The following RARB variants were observed in gnomAD, a reference collection of about 807,000 sequenced individuals.
The protein encoded by RARB is HBV-activated protein.
Under a neutral mutation model 51.9 loss-of-function variants are expected in RARB, and 17 were observed. The observed-to-expected ratio is 0.33, with a 90% confidence interval of 0.22 to 0.49. RARB has a LOEUF of 0.49. Ranked by LOEUF, RARB falls within the 20% of genes least tolerant of loss-of-function variation. RARB has a pLI of 0.99. For missense variants in RARB, 369 were observed against 550.8 expected, an observed-to-expected ratio of 0.67 and a Z score of 3.30; for synonymous variants, 215 against 195.4, an observed-to-expected ratio of 1.10 and a Z score of -0.84.
At chr3:25,373,135 A>G (rs1234486342) in intron 5 of RARB, among the ~76,000 whole-genome samples, 1 of 152,218 alleles carries the variant, frequency 6.6e-6, no homozygotes, top group Non-Finnish European at 1.5e-5. Context: ...GAAAACAGTC[A>G]AGCAGGCTGT....
intron 3 of RARB, among the ~76,000 whole-genome samples, chr3:25,508,278 T>G (rs1204591885): frequency 6.6e-6 from 1 of 152,218 alleles, no homozygotes; most frequent in African/African-American, 2.4e-5. Flanking sequence ...ATTTATACTT[T>G]AGACATGAAC....
intron 3 of RARB, among the ~76,000 whole-genome samples, chr3:25,548,875 G>A (rs1699730205): frequency 1.3e-5 from 2 of 152,000 alleles, no homozygotes; most frequent in African/African-American, 4.8e-5. Context: ...CATTATAGAT[G>A]TTTTAGGGTG....
At chr3:24,857,828 A>C (rs965226928) in intron 1 of RARB, among the ~76,000 whole-genome samples, 81 of 152,324 alleles carry the variant, frequency 5.3e-4, no homozygotes, top group African/African-American at 1.8e-3. Context: ...TGGGAGGCTG[A>C]GATGGAAGGA....
At chr3:25,342,951 G>C (rs1705274826) in intron 5 of RARB, among the ~76,000 whole-genome samples, 1 of 151,600 alleles carries the variant, frequency 6.6e-6, no homozygotes, top group Non-Finnish European at 1.5e-5. Flanking sequence ...AGAGCTCATG[G>C]TTTAAGAGGG....
chr3:25,575,303 A>G (rs1700882436), intron 4 of RARB, among the ~76,000 whole-genome samples: 1 of 152,188 alleles, frequency 6.6e-6, no homozygotes, highest in African/African-American at 2.4e-5. Context: ...GACACCGACC[A>G]GTACCCATCC....
chr3:25,133,946 G>A (rs1395132272), intron 4 of RARB, among the ~76,000 whole-genome samples: 1 of 147,300 alleles, frequency 6.8e-6, no homozygotes, highest in African/African-American at 2.5e-5. Context: ...AGATTTCCTG[G>A]AGAGTACTGT....
chr3:25,000,524 C>T (rs1218537132), intron 2 of RARB, among the ~76,000 whole-genome samples: 1 of 152,096 alleles, frequency 6.6e-6, no homozygotes, highest in Non-Finnish European at 1.5e-5. Context: ...ACCTGCGAGG[C>T]TGATTTTTAA....
chr3:25,001,463 G>T (rs1157396425), intron 2 of RARB, among the ~76,000 whole-genome samples: 1 of 152,042 alleles, frequency 6.6e-6, no homozygotes, highest in Non-Finnish European at 1.5e-5. Context: ...CTTCTCAATT[G>T]TCTTCTCTCC....
intron 5 of RARB, among the ~76,000 whole-genome samples, chr3:25,210,519 T>G (rs529016684): frequency 8.8e-5 from 13 of 147,694 alleles, no homozygotes; most frequent in Non-Finnish European, 1.6e-4. Context: ...CCTGAAATCT[T>G]TATCTGATTC....
chr3:25,119,872 G>A (rs1031270808), intron 3 of RARB, among the ~76,000 whole-genome samples: 2 of 152,128 alleles, frequency 1.3e-5, no homozygotes, highest in Non-Finnish European at 2.9e-5. Flanking sequence ...TAAAAAATCT[G>A]ATTAGTAGAT....
chr3:25,061,269 T>C (rs1244489721), intron 3 of RARB, among the ~76,000 whole-genome samples: 1 of 151,902 alleles, frequency 6.6e-6, no homozygotes, highest in East Asian at 1.9e-4. Context: ...AAGATAAATA[T>C]GTACATACAA....
At chr3:24,928,788 A>T (rs1371910885) in intron 2 of RARB, among the ~76,000 whole-genome samples, 1 of 151,950 alleles carries the variant, frequency 6.6e-6, no homozygotes, top group African/African-American at 2.4e-5. Context: ...TTTTTCTTCC[A>T]CTTAGAGGTT....
chr3:25,196,016 G>A (rs555448776), intron 5 of RARB, among the ~76,000 whole-genome samples: 292 of 151,912 alleles, frequency 1.9e-3, no homozygotes, highest in Non-Finnish European at 3.1e-3. Context: ...AAAATTCTTC[G>A]TGGTCAGCAT....
intron 5 of RARB, among the ~76,000 whole-genome samples, chr3:25,334,543 C>G (rs322686): frequency 0.71 from 108,421 of 151,818 alleles, 39,002 homozygotes; most frequent in East Asian, 0.91. Context: ...GTGGAGGGAG[C>G]GGGGAAGGAT....
intron 3 of RARB, among the ~76,000 whole-genome samples, chr3:25,517,209 A>AT (rs2125627893): frequency 6.6e-6 from 1 of 152,240 alleles, no homozygotes; most frequent in East Asian, 1.9e-4. Flanking sequence ...CACCCTCTTT[A>AT]TAGAAATATA....
chr3:24,885,884 T>G (rs757775212), intron 2 of RARB, among the ~76,000 whole-genome samples: 4 of 152,204 alleles, frequency 2.6e-5, no homozygotes, highest in Non-Finnish European at 5.9e-5. Flanking sequence ...TTAAACTATA[T>G]GCACATAAAG....
chr3:25,543,010 A>G (rs1481926248), intron 3 of RARB, among the ~76,000 whole-genome samples: 1 of 152,172 alleles, frequency 6.6e-6, no homozygotes, highest in Non-Finnish European at 1.5e-5. Context: ...ACCCATGGAC[A>G]CAACTGCAGG....
chr3:25,130,143 T>C (rs1232543662), intron 3 of RARB, among the ~76,000 whole-genome samples: 2 of 152,062 alleles, frequency 1.3e-5, no homozygotes, highest in Admixed American at 6.6e-5. Flanking sequence ...CAGGCCTCTT[T>C]TATGTATGCT....
intron 2 of RARB, among the ~76,000 whole-genome samples, chr3:25,029,954 G>A (rs780267223): frequency 3.3e-5 from 5 of 152,130 alleles, no homozygotes; most frequent in Non-Finnish European, 5.9e-5. Flanking sequence ...CTGAATTTGG[G>A]GACGTATGGA....
Sources: allele counts gnomAD v4.1 joint callset (sites outside exome capture counted in the v4.1 genomes callset), GRCh38; gene constraint gnomAD v4.1.1; transcripts MANE v1.5; gene names NCBI Gene and HGNC (gene_info 2026-07-23, HGNC 2026-07-21).